The following LDLRAD4 variants were observed in gnomAD, a reference collection of about 807,000 sequenced individuals.
LDLRAD4 encodes the protein low-density lipoprotein receptor class A domain-containing protein 4.
In LDLRAD4, 5 loss-of-function variants were observed where a neutral mutation model predicts 17.0. That is an observed-to-expected ratio of 0.29 (90% CI 0.15 to 0.62). The LOEUF (loss-of-function observed/expected upper bound fraction) is 0.62. LDLRAD4 is among the 20% of genes least tolerant of loss of function. The pLI, the probability that LDLRAD4 is intolerant of heterozygous loss-of-function variation, is 0.84. For missense variants in LDLRAD4, 340 were observed against 424.7 expected, an observed-to-expected ratio of 0.80 and a Z score of 1.75; for synonymous variants, 168 against 171.8, an observed-to-expected ratio of 0.98 and a Z score of 0.17.
At chr18:13,402,192 G>A (rs901774055) in intron 2 of LDLRAD4, among the ~76,000 whole-genome samples, 11 of 152,126 alleles carry the variant, frequency 7.2e-5, no homozygotes, top group Admixed American at 1.3e-4. Flanking sequence ...TGTGGGCCCC[G>A]TTCCTTTTTG....
At chr18:13,554,497 T>C (rs903329718) in intron 3 of LDLRAD4, among the ~76,000 whole-genome samples, 4 of 152,172 alleles carry the variant, frequency 2.6e-5, no homozygotes, top group African/African-American at 9.7e-5. Context: ...TCAGGTCTCA[T>C]GTGTAAGGGT....
chr18:13,585,234 T>C (rs1213738276), intron 3 of LDLRAD4: 1 of 152,244 alleles, frequency 6.6e-6, no homozygotes, highest in Non-Finnish European at 1.5e-5. Flanking sequence ...AGTTTGTCAC[T>C]GGGGCTCATT....
chr18:13,613,055 GT>G (rs1218152803), intron 3 of LDLRAD4: 5 of 304,646 alleles, frequency 1.6e-5, no homozygotes, highest in South Asian at 6.9e-5. Context: ...TTGGAGTTTT[GT>G]TTTTTTCAAA....
chr18:13,397,483 T>C (rs1319543201), intron 2 of LDLRAD4, among the ~76,000 whole-genome samples: 1 of 152,228 alleles, frequency 6.6e-6, no homozygotes, highest in African/African-American at 2.4e-5. Context: ...TCCAGGCTGA[T>C]CTTGTATTCC....
intron 3 of LDLRAD4, among the ~76,000 whole-genome samples, chr18:13,569,170 G>C (rs1220834810): frequency 1.3e-5 from 2 of 152,158 alleles, no homozygotes; most frequent in Non-Finnish European, 2.9e-5. Flanking sequence ...AGACACTAGA[G>C]AAGCGCCCTT....
At chr18:13,506,723 C>T (rs1336148024) in intron 3 of LDLRAD4, among the ~76,000 whole-genome samples, 1 of 152,182 alleles carries the variant, frequency 6.6e-6, no homozygotes, top group East Asian at 1.9e-4. Context: ...AATGCCTGGC[C>T]TCACAGCTTC....
At chr18:13,565,617 CTCCTTTCT>C (rs1269608403) in intron 3 of LDLRAD4, among the ~76,000 whole-genome samples, 4 of 152,234 alleles carry the variant, frequency 2.6e-5, no homozygotes, top group Non-Finnish European at 5.9e-5. Flanking sequence ...CCATTCTTTT[CTCCTTTCT>C]CGTGCCCCTG....
intron 4 of LDLRAD4, among the ~76,000 whole-genome samples, chr18:13,632,124 A>G (rs961802248): frequency 8.5e-5 from 13 of 152,212 alleles, no homozygotes; most frequent in Non-Finnish European, 1.5e-4. Context: ...CTTGTCCCAC[A>G]ATCATCTCAG....
chr18:13,271,556 A>T (rs1344683508), intron 1 of LDLRAD4, among the ~76,000 whole-genome samples: 1 of 152,178 alleles, frequency 6.6e-6, no homozygotes, highest in Non-Finnish European at 1.5e-5. Context: ...TCCCCTTGTG[A>T]TGTCCTCAGC....
intron 3 of LDLRAD4, among the ~76,000 whole-genome samples, chr18:13,602,450 G>A (rs2095174043): frequency 6.6e-6 from 1 of 151,544 alleles, no homozygotes; most frequent in Non-Finnish European, 1.5e-5. Context: ...GTGGTGGGAT[G>A]GGGGGAATTT....
intron 1 of LDLRAD4, among the ~76,000 whole-genome samples, chr18:13,380,119 G>A (rs1416249089): frequency 1.3e-5 from 2 of 152,258 alleles, no homozygotes; most frequent in Non-Finnish European, 2.9e-5. Flanking sequence ...GGAGGTGTCT[G>A]TGATGTGCTC....
chr18:13,225,079 G>A (rs1013469313), intron 1 of LDLRAD4, among the ~76,000 whole-genome samples: 4 of 151,920 alleles, frequency 2.6e-5, no homozygotes, highest in Non-Finnish European at 5.9e-5. Flanking sequence ...CAAGTGATCC[G>A]CCCGCCTCAG....
chr18:13,369,159 C>T (rs552143402), intron 1 of LDLRAD4, among the ~76,000 whole-genome samples: 1 of 152,332 alleles, frequency 6.6e-6, no homozygotes, highest in South Asian at 2.1e-4. Context: ...GCCGGGCTCA[C>T]AGGCAGGGGA....
At chr18:13,373,155 A>ATGTGTGTGTG (rs35632499) in intron 1 of LDLRAD4, among the ~76,000 whole-genome samples, 143 of 149,668 alleles carry the variant, frequency 9.6e-4, no homozygotes, top group Middle Eastern at 3.4e-3. Context: ...CAACTGTTTA[A>ATGTGTGTGTG]TGTGTGTGTG....
Position 13,227,399 on chromosome 18 carries a change from G to A in LDLRAD4, c.-467+8411G>A, listed in dbSNP as rs114591283. On this transcript the variant is annotated intron_variant, in intron 1 of 5. Coordinates refer to the LDLRAD4 transcript ENST00000399848. The stretch of plus-strand genomic sequence containing the variant: ...TTCTCTAGGGCTGGTCATGATCGGT[G>A]TGGTTTTGTTCACAGGCACCTGAGC... 5.4e-3 allele frequency among the ~76,000 whole-genome samples: 828 copies of A among 152,332 alleles called. 11 individuals carry two copies. Among genetic ancestry groups the A allele is most frequent in the African/African-American group, 0.019 (784 of 41,562 alleles).
chr18:13,505,835 A>AACAAAG (rs2093683404), intron 3 of LDLRAD4, among the ~76,000 whole-genome samples: 1 of 149,816 alleles, frequency 6.7e-6, no homozygotes, highest in East Asian at 1.9e-4. Context: ...CAAAAACAAA[A>AACAAAG]ACAAAAACAA....
chr18:13,305,295 G>A (rs2046846449), intron 1 of LDLRAD4, among the ~76,000 whole-genome samples: 1 of 152,184 alleles, frequency 6.6e-6, no homozygotes. Context: ...CAAACACAAA[G>A]ATGTAGTATT....
At chr18:13,244,400 C>A (rs2042855126) in intron 1 of LDLRAD4, among the ~76,000 whole-genome samples, 1 of 152,102 alleles carries the variant, frequency 6.6e-6, no homozygotes, top group South Asian at 2.1e-4. Flanking sequence ...CTGATCTACT[C>A]ATTCATCTGC....
intron 1 of LDLRAD4, among the ~76,000 whole-genome samples, chr18:13,338,735 C>T (rs964762629): frequency 5.9e-5 from 9 of 152,154 alleles, no homozygotes; most frequent in African/African-American, 1.9e-4. Flanking sequence ...ATTGTTTGAA[C>T]ATATGAGTCC....
Sources: gnomAD v4.1 joint callset for allele counts (sites outside exome capture counted in the v4.1 genomes callset) on GRCh38, gnomAD v4.1.1 for gene constraint, MANE v1.5 for transcripts, NCBI Gene and HGNC (gene_info 2026-07-23, HGNC 2026-07-21) for gene names.